Variants in TTC28 observed in about 807,000 individuals in gnomAD.
The protein encoded by TTC28 is tetratricopeptide repeat protein 28.
A neutral mutation model predicts 198.0 loss-of-function variants in TTC28; 61 were observed. The observed-to-expected ratio is 0.31, with a 90% CI of 0.25 to 0.38. The LOEUF (loss-of-function observed/expected upper bound fraction) is 0.38. TTC28 is among the 10% of genes least tolerant of loss of function. The probability of loss-of-function intolerance (pLI) is 1.00; values close to 1 mark genes in which losing one functional copy is unlikely to be tolerated. For synonymous variants in TTC28, 1,171 were observed against 1,297.8 expected (o/e 0.90, Z 2.10); for missense variants, 2,678 against 3,164.0 (o/e 0.85, Z 3.69).
intron 5 of TTC28, among the ~76,000 whole-genome samples, chr22:28,287,276 G>C (rs2044703783): frequency 6.6e-6 from 1 of 152,088 alleles, no homozygotes; most frequent in South Asian, 2.1e-4. Flanking sequence ...GGGTCAATTG[G>C]ATATACATAT....
At chr22:28,067,320 A>G (rs540502368) in intron 12 of TTC28, among the ~76,000 whole-genome samples, 8 of 152,296 alleles carry the variant, frequency 5.3e-5, no homozygotes, top group African/African-American at 1.4e-4. Context: ...TGTAGCCCCA[A>G]TACTCAGCAG....
rs186184919 is a variant in TTC28 at position 28,612,900 on chromosome 22, C to T, written c.381+16652G>A. On this transcript the variant is annotated intron_variant, in intron 2 of 22. Coordinates refer to ENST00000397906, the MANE Select transcript of TTC28 (RefSeq NM_001145418.2). ...AAGCAAAAAATATCTAAAATTGACA[C>T]TCTAACGTCACAATTAAAAGAACTA... is the stretch of plus-strand genomic sequence containing the variant. 4.6e-3 allele frequency among the ~76,000 whole-genome samples: 703 copies of T among 152,252 alleles called. 8 individuals carry two copies. Among genetic ancestry groups the T allele is most frequent in the Non-Finnish European group, 6.4e-3 (436 of 68,022 alleles).
At chr22:28,657,324 A>G (rs1364868674) in intron 1 of TTC28, among the ~76,000 whole-genome samples, 2 of 152,220 alleles carry the variant, frequency 1.3e-5, no homozygotes, top group Non-Finnish European at 2.9e-5. Context: ...CACAGTTTAC[A>G]TGGTTTTTAA....
intron 5 of TTC28, among the ~76,000 whole-genome samples, chr22:28,235,785 C>T (rs1319147892): frequency 1.3e-5 from 2 of 152,114 alleles, no homozygotes; most frequent in East Asian, 3.9e-4. Flanking sequence ...GGATAAACTC[C>T]AAATGGATCA....
chr22:28,347,598 G>A lies in TTC28; in HGVS notation c.382-40955C>T, dbSNP rs1601668192. On this transcript the variant is annotated intron_variant, in intron 2 of 22. Coordinates refer to ENST00000397906, the MANE Select transcript of TTC28 (RefSeq NM_001145418.2). ...TAGAAAGAATAGCACCTGGCTGAGT[G>A]CAGTGGCTCATGCCTGTAATCCCAG... Among the ~76,000 whole-genome samples the A allele has an allele frequency of 2.6e-5, 4 of 152,322 alleles. No individual in the cohort carries two copies. The South Asian group carries it at 8.3e-4, about 32-fold the overall frequency.
At chr22:28,039,763 C>T (rs993583073) in intron 12 of TTC28, among the ~76,000 whole-genome samples, 11 of 151,006 alleles carry the variant, frequency 7.3e-5, no homozygotes, top group African/African-American at 1.2e-4. Context: ...GAGACAGAGA[C>T]ACAAAAAACC....
chr22:28,523,072 A>G (rs1031846680), intron 2 of TTC28, among the ~76,000 whole-genome samples: 11 of 152,236 alleles, frequency 7.2e-5, no homozygotes, highest in Non-Finnish European at 1.5e-4. Flanking sequence ...TGTTATTGAA[A>G]AAAAGTAAAA....
chr22:28,434,770 C>G (rs1193594525), intron 2 of TTC28, among the ~76,000 whole-genome samples: 1 of 152,180 alleles, frequency 6.6e-6, no homozygotes, highest in Admixed American at 6.5e-5. Flanking sequence ...AGCCTATATA[C>G]ATTGAGTTTT....
At chr22:28,500,063 A>G (rs1402968936) in intron 2 of TTC28, among the ~76,000 whole-genome samples, 1 of 152,154 alleles carries the variant, frequency 6.6e-6, no homozygotes, top group East Asian at 1.9e-4. Context: ...CACACCATAA[A>G]TTCACCCTTT....
chr22:28,222,971 T>C (rs1337667553), intron 5 of TTC28, among the ~76,000 whole-genome samples: 1 of 152,178 alleles, frequency 6.6e-6, no homozygotes, highest in Non-Finnish European at 1.5e-5. Context: ...GGAACTCCAT[T>C]CACAATGAGG....
chr22:28,479,859 T>A (rs760195564), intron 2 of TTC28, among the ~76,000 whole-genome samples: 3 of 152,182 alleles, frequency 2.0e-5, no homozygotes, highest in African/African-American at 4.8e-5. Flanking sequence ...CTTATTCCAA[T>A]CCTTGTCATA....
At position 28,116,430 on chromosome 22, in the gene TTC28, G is replaced by A. The variant is rs188225383; in HGVS notation, c.1442-8027C>T. On this transcript the variant is annotated intron_variant, in intron 6 of 22. Coordinates refer to ENST00000397906, the MANE Select transcript of TTC28 (RefSeq NM_001145418.2). ...GTGCTGGTGATAGATGATGAGGTAG[G>A]AAGTGCTAGGCACAGTCATCTCTAA... Among the ~76,000 whole-genome samples, 110 of 152,314 alleles carry A rather than the reference G, an allele frequency of 7.2e-4. 1 individual carries two copies. Among genetic ancestry groups the A allele is most frequent in the African/African-American group, 2.2e-3 (92 of 41,580 alleles).
intron 2 of TTC28, among the ~76,000 whole-genome samples, chr22:28,518,984 G>T (rs775493517): frequency 6.6e-6 from 1 of 152,134 alleles, no homozygotes; most frequent in Non-Finnish European, 1.5e-5. Flanking sequence ...AATTTTTCTG[G>T]ACCTCAATTT....
intron 2 of TTC28, among the ~76,000 whole-genome samples, chr22:28,526,911 C>G (rs2049014768): frequency 6.6e-6 from 1 of 152,008 alleles, no homozygotes; most frequent in Non-Finnish European, 1.5e-5. Context: ...CACTTGCCAC[C>G]ATGCCTGGCT....
chr22:28,308,464 G>GA (rs1443935942), intron 2 of TTC28, among the ~76,000 whole-genome samples: 5 of 152,012 alleles, frequency 3.3e-5, no homozygotes, highest in Non-Finnish European at 5.9e-5. Flanking sequence ...CATATTATAA[G>GA]AAAAAATCTT....
chr22:28,191,908 G>C (rs1006525344), intron 5 of TTC28, among the ~76,000 whole-genome samples: 2 of 152,190 alleles, frequency 1.3e-5, no homozygotes, highest in Non-Finnish European at 2.9e-5. Flanking sequence ...CTGCAGACTT[G>C]AATGACCCTG....
At chr22:28,348,256 T>C (rs778130508) in intron 2 of TTC28, among the ~76,000 whole-genome samples, 1 of 152,208 alleles carries the variant, frequency 6.6e-6, no homozygotes, top group East Asian at 1.9e-4. Context: ...CTCCAGCCAT[T>C]GCCCACGTGC....
Position 28,177,100 on chromosome 22 carries a change from C to T in TTC28, c.934-13501G>A, listed in dbSNP as rs190259922. ...GAATGAAAAGTCAAGTCACAGACGG[C>T]GAGAAAACATTTGCAAAACACATAA... is the stretch of plus-strand genomic sequence containing the variant. On this transcript the variant is annotated intron_variant, in intron 5 of 22. Transcript: ENST00000397906. 2.6e-5 allele frequency among the ~76,000 whole-genome samples: 4 copies of T among 151,952 alleles called. No homozygotes were observed. In the East Asian group the frequency reaches 7.7e-4, roughly 29 times the overall value.
At chr22:28,098,893 G>A in intron 10 of TTC28, 22 bp downstream of exon 10, 1 of 1,551,096 alleles carries the variant, frequency 6.4e-7, no homozygotes, top group East Asian at 2.4e-5. Context: ...CGTAAGCAAG[G>A]AGTAACCCCA....
Sources: gnomAD v4.1 joint callset for allele counts (sites outside exome capture counted in the v4.1 genomes callset) on GRCh38, gnomAD v4.1.1 for gene constraint, MANE v1.5 for transcripts, NCBI Gene and HGNC (gene_info 2026-07-23, HGNC 2026-07-21) for gene names.